MAP3K5: variants seen among roughly 807,000 people sequenced by gnomAD.
MAP3K5 encodes mitogen-activated protein kinase kinase kinase 5, also known as ASK-1.
MAP3K5 carries 56 observed loss-of-function variants against 158.7 expected under a neutral mutation model. The observed-to-expected ratio is 0.35, with a 90% CI of 0.28 to 0.44. The LOEUF is 0.44. MAP3K5 is among the 20% of genes least tolerant of loss of function. The probability of loss-of-function intolerance (pLI) is 1.00; values close to 1 mark genes in which losing one functional copy is unlikely to be tolerated. For missense variants in MAP3K5, 1,294 were observed against 1,674.8 expected, an observed-to-expected ratio of 0.77 and a Z score of 3.97; for synonymous variants, 579 against 601.7, an observed-to-expected ratio of 0.96 and a Z score of 0.55.
In MAP3K5 at chr6:136,662,864, G is replaced by A. The variant is rs936641270; in HGVS notation, c.1367-3486C>T. Among the ~76,000 whole-genome samples the A allele has an allele frequency of 3.9e-5, 6 of 152,286 alleles. No homozygotes were observed. In the South Asian group the frequency reaches 1.2e-3, roughly 32 times the overall value. On this transcript the variant is annotated intron_variant, in intron 8 of 29. Coordinates refer to ENST00000359015, the MANE Select transcript of MAP3K5 (RefSeq NM_005923.4). ...AAGCAATGAGCAGTATGTCATTGCT[G>A]TGTTAACAACCACTTCACCATTTAT...
intron 21 of MAP3K5, among the ~76,000 whole-genome samples, chr6:136,593,205 G>A (rs1775472118): frequency 6.6e-6 from 1 of 152,128 alleles, no homozygotes; most frequent in African/African-American, 2.4e-5. Flanking sequence ...GGAAACAGAT[G>A]GACTAGATGA....
intron 11 of MAP3K5, among the ~76,000 whole-genome samples, chr6:136,649,851 T>C (rs2114389863): frequency 6.6e-6 from 1 of 152,358 alleles, no homozygotes; most frequent in East Asian, 1.9e-4. Context: ...ATGGATATTA[T>C]TATCTCATTC....
intron 14 of MAP3K5, among the ~76,000 whole-genome samples, chr6:136,625,170 GA>G (rs1432203190): frequency 6.6e-6 from 1 of 152,190 alleles, no homozygotes; most frequent in African/African-American, 2.4e-5. Flanking sequence ...GTCAGATAGT[GA>G]ATGTTTTAGC....
At chr6:136,618,962 C>T (rs1363345625) in intron 15 of MAP3K5, among the ~76,000 whole-genome samples, 1 of 152,088 alleles carries the variant, frequency 6.6e-6, no homozygotes, top group Non-Finnish European at 1.5e-5. Flanking sequence ...TTCCTAGTTC[C>T]TTGTAGGTAG....
rs925946753 is a variant in MAP3K5, at chr6:136,637,353, T to C, written c.1988A>G (p.Glu663Gly). 3 of 1,612,498 alleles carry C rather than the reference T, an allele frequency of 1.9e-6. No homozygotes were observed. In the African/African-American group the frequency reaches 4.0e-5, roughly 22 times the overall value. Residue 663 changes from glutamate (E) to glycine (G), a missense_variant, in exon 14 of 30, where the codon GAA becomes GGA. By Grantham distance (98) the Glu-to-Gly change is moderately conservative (BLOSUM62 -2). This residue lies in a region of MAP3K5 where 690 missense variants were observed against 870.5 expected (regional missense o/e 0.79). Coordinates refer to ENST00000359015, the MANE Select transcript of MAP3K5 (RefSeq NM_005923.4). The stretch of plus-strand genomic sequence containing the variant: ...CAGCAAGTCACTTTCACAGTCTCCT[T>C]CCTCTGTGCTTCTCCCCTTCTCTTC... ...ITEEKGRSTE[E>G]GDCESDLLEY...
At chr6:136,562,837 AT>A (rs3040779) in intron 26 of MAP3K5, among the ~76,000 whole-genome samples, 2,603 of 124,814 alleles carry the variant, frequency 0.021, 35 homozygotes, top group East Asian at 0.072. Flanking sequence ...TGCCTGGCTA[AT>A]TTTTTTTTTT....
chr6:136,701,540 C>T (rs1780855181), intron 3 of MAP3K5, among the ~76,000 whole-genome samples: 1 of 152,142 alleles, frequency 6.6e-6, no homozygotes, highest in Non-Finnish European at 1.5e-5. Flanking sequence ...GGAAAGTGAA[C>T]ATGTCCTGCT....
At chr6:136,662,963 G>T (rs1033886014) in intron 8 of MAP3K5, among the ~76,000 whole-genome samples, 2 of 152,144 alleles carry the variant, frequency 1.3e-5, no homozygotes, top group African/African-American at 4.8e-5. Context: ...TTACACTGAG[G>T]ATTTTTTAAT....
At chr6:136,576,494 A>T (rs138548949) in intron 25 of MAP3K5, among the ~76,000 whole-genome samples, 2 of 152,072 alleles carry the variant, frequency 1.3e-5, no homozygotes, top group African/African-American at 2.4e-5. Context: ...TTTTTTAGAG[A>T]CAGGGTCTTG....
chr6:136,731,272 G>A (rs1393259177), intron 1 of MAP3K5, among the ~76,000 whole-genome samples: 1 of 152,170 alleles, frequency 6.6e-6, no homozygotes, highest in Non-Finnish European at 1.5e-5. Flanking sequence ...AATGTTAAAA[G>A]AGAATTGCAT....
intron 5 of MAP3K5, among the ~76,000 whole-genome samples, chr6:136,696,845 A>C (rs1423962097): frequency 6.6e-6 from 1 of 152,202 alleles, no homozygotes; most frequent in African/African-American, 2.4e-5. Context: ...TCAAGGGATA[A>C]AAGGTATGTC....
intron 14 of MAP3K5, among the ~76,000 whole-genome samples, chr6:136,627,747 T>C (rs189433640): frequency 6.6e-6 from 1 of 152,320 alleles, no homozygotes; most frequent in East Asian, 1.9e-4. Context: ...ATCTTGGATT[T>C]CTCAGCCTCT....
In MAP3K5 at chr6:136,656,302, C is replaced by T; in HGVS notation, c.1680+5G>A. 1.2e-6 allele frequency: 2 copies of T among 1,612,568 alleles called. No homozygotes were observed. Among genetic ancestry groups the T allele is most frequent in the Admixed American group, 1.7e-5 (1 of 60,002 alleles). ...TGTACTTAGATTTAAAGGAAGAGTA[C>T]TCACTGGAAACCTAACCACAGTAAC... On this transcript the variant is annotated splice_donor_5th_base_variant and intron_variant, in intron 10 of 29. Coordinates refer to ENST00000359015, the MANE Select transcript of MAP3K5 (RefSeq NM_005923.4).
chr6:136,576,243 G>C (rs901858501), intron 25 of MAP3K5, among the ~76,000 whole-genome samples: 7 of 152,060 alleles, frequency 4.6e-5, no homozygotes, highest in Admixed American at 4.6e-4. Flanking sequence ...GTTGGCTCTA[G>C]TGTCCTTTCA....
intron 3 of MAP3K5, among the ~76,000 whole-genome samples, chr6:136,701,107 C>T (rs1383841564): frequency 3.9e-5 from 6 of 152,164 alleles, no homozygotes; most frequent in African/African-American, 9.7e-5. Flanking sequence ...AGAGATCGTA[C>T]AGTTGGTCTG....
intron 11 of MAP3K5, among the ~76,000 whole-genome samples, chr6:136,646,060 CTTTTATTTTAA>C (rs1778240192): frequency 6.6e-6 from 1 of 152,024 alleles, no homozygotes; most frequent in Non-Finnish European, 1.5e-5. Flanking sequence ...AATTTTACCA[CTTTTATTTTAA>C]AAAATTGAGA....
intron 8 of MAP3K5, among the ~76,000 whole-genome samples, chr6:136,664,112 C>T (rs1190477449): frequency 6.6e-6 from 1 of 152,172 alleles, no homozygotes; most frequent in East Asian, 1.9e-4. Context: ...TCTGTATTTA[C>T]AGCCATTCCC....
intron 10 of MAP3K5, among the ~76,000 whole-genome samples, chr6:136,651,592 T>C (rs1778521300): frequency 6.6e-6 from 1 of 152,198 alleles, no homozygotes; most frequent in Non-Finnish European, 1.5e-5. Flanking sequence ...GTTTTGGTTA[T>C]TCCTGAGTTT....
In MAP3K5 at chr6:136,669,328, C is replaced by T. The variant is rs1779366291; in HGVS notation, c.1321G>A (p.Ala441Thr). 6.2e-7 allele frequency: 1 copy of T among 1,613,818 alleles called. No individual in the cohort carries two copies. Among genetic ancestry groups the T allele is most frequent in the Non-Finnish European group, 8.5e-7 (1 of 1,179,790 alleles). ...SGINYAVLLL[A>T]AGHQFESSFE... ...GAAGATTCAAACTGGTGTCCAGCTG[C>T]CAGGAGGAGGACCGCATAATTAATT... The change falls in exon 8 of 30, where the codon GCA (alanine) becomes ACA (threonine). Residue 441 changes from alanine (A) to threonine (T), a missense_variant. Physicochemically the swap from Ala to Thr is moderately conservative, Grantham distance 58. Around this residue, in one of 5 missense-constraint regions of MAP3K5, gnomAD observed 690 missense variants for 870.5 expected, o/e 0.79. Transcript: ENST00000359015.
Sources: allele counts gnomAD v4.1 joint callset (sites outside exome capture counted in the v4.1 genomes callset), GRCh38; gene constraint gnomAD v4.1.1; regional missense constraint gnomAD v4.1.1; transcripts MANE v1.5; gene names NCBI Gene and HGNC (gene_info 2026-07-23, HGNC 2026-07-21).